The following P3H3 variants were observed in gnomAD, a reference collection of about 807,000 sequenced individuals.
The protein encoded by P3H3 is gene rich cluster, B.
In P3H3, 64 loss-of-function variants were observed where a neutral mutation model predicts 78.1. The observed-to-expected ratio is 0.82, with a 90% CI of 0.67 to 1.01. The LOEUF is 1.01. P3H3 is among the 50% of genes least tolerant of loss of function. The pLI is 0.00. For missense variants in P3H3, 975 were observed against 982.2 expected (o/e 0.99, Z 0.10); for synonymous variants, 425 against 416.7 (o/e 1.02, Z -0.24).
intron 7 of P3H3, 36 bp downstream of exon 7, chr12:6,833,680 G>A (rs781809845): frequency 2.9e-5 from 47 of 1,608,584 alleles, no homozygotes; most frequent in South Asian, 6.6e-5. Flanking sequence ...GGCTTGGCCC[G>A]AGCTGGGAGG....
Position 6,830,466 on chromosome 12 carries a change from T to C in P3H3, c.765T>C (p.Ala255=), listed in dbSNP as rs1555121179. 7 of 1,588,916 alleles carry C rather than the reference T, an allele frequency of 4.4e-6. No homozygotes were observed. Among genetic ancestry groups the C allele is most frequent in the Non-Finnish European group, 6.0e-6 (7 of 1,168,696 alleles). ...TGGCCCAGATGGAGAGCTGCCGTGC[T>C]GACTGTGAGGGGCCTGAGGAGCAGC... The part of the protein sequence containing the change: ...GSLAQMESCR[A]DCEGPEEQQG... The change falls in exon 3 of 15, where the codon GCT becomes GCC. Residue 255 remains alanine (A), a synonymous_variant. Coordinates refer to ENST00000290510, the MANE Select transcript of P3H3 (RefSeq NM_014262.5).
Position 6,837,778 on chromosome 12 carries a change from C to T in P3H3, c.1758C>T (p.Asp586=), listed in dbSNP as rs1555122411. Residue 586 remains aspartate, a synonymous_variant, in exon 12 of 15, where the codon GAC becomes GAT. Coordinates refer to ENST00000290510, the MANE Select transcript of P3H3 (RefSeq NM_014262.5). ...ACCTGAGTCACCCAGTGCACGCAGA[C>T]AACTGCGTCCTGGACCCTGACACGG... is the stretch of plus-strand genomic sequence containing the variant. ...RMDLSHPVHA[D]NCVLDPDTGE... 3 of 1,613,476 alleles carry T rather than the reference C, an allele frequency of 1.9e-6. No individual in the cohort carries two copies. The highest frequency in any genetic ancestry group is 2.5e-6 in the Non-Finnish European group (3 of 1,179,698).
rs782669046 is a variant in P3H3, at chr12:6,839,294, C to G, written c.2047-3C>G. ...TGGGCCACACTCTCCTCCCCAACCC[C>G]AGGAGTGGATAGAAGCCAAAGAACT... On this transcript the variant is annotated splice_polypyrimidine_tract_variant and splice_region_variant and intron_variant, in intron 14 of 14. Coordinates refer to ENST00000290510, the MANE Select transcript of P3H3 (RefSeq NM_014262.5). 6.4e-7 allele frequency: 1 copy of G among 1,553,384 alleles called. No homozygotes were observed. The highest frequency in any genetic ancestry group is 2.0e-5 in the Admixed American group (1 of 51,038).
At position 6,831,116 on chromosome 12, in the gene P3H3, G is replaced by T; in HGVS notation, c.986-100G>T. On this transcript the variant is annotated intron_variant, in intron 4 of 14. Transcript: ENST00000290510. This position sits in a 1 kb window ranked among gnomAD's most constrained non-coding sequence, Gnocchi z 4.6. ...GGGGGCTCTTGGAGTTAGCTGTCTG[G>T]CCTCTGGAGACCACCTTCTCCAGCA... 3 of 1,471,868 alleles carry T rather than the reference G, an allele frequency of 2.0e-6. No individual in the cohort carries two copies. Among genetic ancestry groups the T allele is most frequent in the Non-Finnish European group, 2.9e-6 (3 of 1,052,136 alleles). 91.2% of individuals were successfully genotyped at this position (1,471,868 alleles called of 1,614,324 possible). A position where few individuals can be genotyped will look rare whatever the true frequency, so the allele number is the denominator to read the frequency against.
At chr12:6,837,196 C>G (rs10849527) in intron 10 of P3H3, 110 bp downstream of exon 10, 1 of 1,039,542 alleles carries the variant, frequency 9.6e-7, no homozygotes, top group Non-Finnish European at 1.4e-6. Context: ...TTCTTGGGAC[C>G]GAGACTACCT....
At chr12:6,833,161 TGA>T (rs1198420083) in intron 6 of P3H3, among the ~76,000 whole-genome samples, 1 of 148,652 alleles carries the variant, frequency 6.7e-6, no homozygotes, top group Non-Finnish European at 1.5e-5. Context: ...GGCGACAGTG[TGA>T]GACTCCGTCT....
chr12:6,828,473 G>A lies in P3H3; in HGVS notation c.33G>A (p.Leu11=), dbSNP rs1555120760. The A allele has an allele frequency of 4.9e-6, 6 of 1,233,634 alleles. No homozygotes were observed. The highest frequency in any genetic ancestry group is 1.5e-5 in the South Asian group (1 of 66,704). 76.4% of individuals were successfully genotyped at this position (1,233,634 alleles called of 1,614,324 possible). The change falls in exon 1 of 15, where the codon CTG becomes CTA. Residue 11 remains leucine, a synonymous_variant. Coordinates refer to ENST00000290510, the MANE Select transcript of P3H3 (RefSeq NM_014262.5). MLRLLRPLLL[L]LLLPPPGSPE... The stretch of plus-strand genomic sequence containing the variant: ...GGCTCCTCCGGCCGCTGCTGCTACT[G>A]CTGCTGCTGCCTCCCCCGGGGTCCC...
chr12:6,836,544 GA>G (rs1943499200), intron 9 of P3H3, among the ~76,000 whole-genome samples: 1 of 152,176 alleles, frequency 6.6e-6, no homozygotes, highest in Non-Finnish European at 1.5e-5. Context: ...ATAGCCCGCT[GA>G]TGCTGTCTCC....
chr12:6,837,886 A>C, intron 12 of P3H3, 37 bp downstream of exon 12: 1 of 1,595,644 alleles, frequency 6.3e-7, no homozygotes, highest in Non-Finnish European at 8.5e-7. Flanking sequence ...AGGTGGGCAG[A>C]CAAAGGTCAT....
intron 14 of P3H3, 28 bp downstream of exon 14, chr12:6,839,168 G>T (rs1555122695): frequency 5.1e-6 from 8 of 1,583,414 alleles, no homozygotes; most frequent in Non-Finnish European, 6.9e-6. Context: ...AAGGGATGTG[G>T]TTCTCCTGGT....
chr12:6,829,592 G>A lies in P3H3; in HGVS notation c.499-267G>A. On this transcript the variant is annotated intron_variant, in intron 1 of 14. Coordinates refer to ENST00000290510, the MANE Select transcript of P3H3 (RefSeq NM_014262.5). The surrounding 1 kb of genome is among the most constrained non-coding windows in gnomAD (Gnocchi z 5.1). ...ACTTCCACCTGGTCTCCCAAATTGAGGTCCTGAAGTCCTGAGACCCATGTC... is the reference window on the plus strand; with the variant it reads ...ACTTCCACCTGGTCTCCCAAATTGAAGTCCTGAAGTCCTGAGACCCATGTC... The A allele has an allele frequency of 6.3e-6, 3 of 475,256 alleles. No homozygotes were observed. The highest frequency in any genetic ancestry group is 1.1e-5 in the Non-Finnish European group (3 of 264,114). The allele number at this position is 475,256 out of a possible 1,614,324, so 29.4% of individuals were successfully genotyped here.
rs782309276 is a variant in P3H3 at position 6,831,913 on chromosome 12, C to T, written c.1211C>T (p.Pro404Leu). The change falls in exon 6 of 15, where the codon CCT becomes CTT. Residue 404 changes from proline to leucine, a missense_variant and splice_region_variant. By Grantham distance (98) the Pro-to-Leu change is moderately conservative. Coordinates refer to ENST00000290510, the MANE Select transcript of P3H3 (RefSeq NM_014262.5). This position sits in a 1 kb window ranked among gnomAD's most constrained non-coding sequence, Gnocchi z 4.6. ...CACCTGGGGACCAGCTTCAAGGATC[C>T]TGTGAGTCACTCCACTTCTGCCCAT... ...MEHLGTSFKDPDPWTPAALIP... is the reference protein window; with the variant it reads ...MEHLGTSFKDLDPWTPAALIP... 6.4e-7 allele frequency: 1 copy of T among 1,571,270 alleles called. No individual in the cohort carries two copies. The highest frequency in any genetic ancestry group is 2.3e-5 in the East Asian group (1 of 44,342).
At position 6,830,424 on chromosome 12, in the gene P3H3, G is replaced by T. The variant is rs377726841; in HGVS notation, c.723G>T (p.Glu241Asp). 2 of 1,587,122 alleles carry T rather than the reference G, an allele frequency of 1.3e-6. No individual in the cohort carries two copies. The highest frequency in any genetic ancestry group is 2.7e-5 in the African/African-American group (2 of 74,380). Residue 241 changes from glutamate (E) to aspartate (D), a missense_variant, in exon 3 of 15, where the codon GAG becomes GAT. By Grantham distance (45) the Glu-to-Asp change is conservative (BLOSUM62 2). Coordinates refer to ENST00000290510, the MANE Select transcript of P3H3 (RefSeq NM_014262.5). ...GACTGGCACTGCCCAGGCTAGAGGA[G>T]GCTCTTCAGGGGAGCCTGGCCCAGA... ...EAGLALPRLE[E>D]ALQGSLAQME...
chr12:6,830,245 A>G (rs1463593808), intron 2 of P3H3, 108 bp from the exon 3 acceptor site: 1 of 1,124,114 alleles, frequency 8.9e-7, no homozygotes, highest in African/African-American at 1.6e-5. Context: ...CACGGTGAAG[A>G]GGGACATGGA....
At position 6,831,699 on chromosome 12, in the gene P3H3, T is replaced by A; in HGVS notation, c.1123-126T>A. On this transcript the variant is annotated intron_variant, in intron 5 of 14. Coordinates refer to ENST00000290510, the MANE Select transcript of P3H3 (RefSeq NM_014262.5). The surrounding 1 kb of genome is among the most constrained non-coding windows in gnomAD (Gnocchi z 4.6). ...CTCTGAAGCTGCTGAGGGGGAACGT[T>A]GAACAGAGGAACCGGGGGGCATGGT... 1.4e-6 allele frequency: 1 copy of A among 723,894 alleles called. No individual in the cohort carries two copies. The highest frequency in any genetic ancestry group is 1.5e-5 in the South Asian group (1 of 66,110). 44.8% of individuals were successfully genotyped at this position (723,894 alleles called of 1,614,324 possible). A position where few individuals can be genotyped will look rare whatever the true frequency, so the allele number is the denominator to read the frequency against.
chr12:6,828,713 CG>C lies in P3H3; in HGVS notation c.274del (p.Val92CysfsTer34). 1 of 1,247,112 alleles carries C rather than the reference CG, an allele frequency of 8.0e-7. No individual in the cohort carries two copies. Among genetic ancestry groups the C allele is most frequent in the Non-Finnish European group, 1.0e-6 (1 of 996,500 alleles). The allele number at this position is 1,247,112 out of a possible 1,614,324, so 77.3% of individuals were successfully genotyped here. A position where few individuals can be genotyped will look rare whatever the true frequency, so the allele number is the denominator to read the frequency against. Reference sequence around the variant, plus strand: ...CCGATCCGGGCGCCGCGCTCCCCGCCGTGCTTCTCGGGGCCCCGGAGCCCGA... The same window carrying C: ...CCGATCCGGGCGCCGCGCTCCCCGCCTGCTTCTCGGGGCCCCGGAGCCCGA... Reference protein sequence around the residue: ...AADPGAALPAVLLGAPEPDSG... With the variant: ...AADPGAALPAXLLGAPEPDSG... On this transcript the variant is annotated frameshift_variant, in exon 1 of 15. Transcript: ENST00000290510. LOFTEE classifies it high-confidence loss of function.
Position 6,829,728 on chromosome 12 carries a change from T to G in P3H3, c.499-131T>G. On this transcript the variant is annotated intron_variant, in intron 1 of 14. Transcript: ENST00000290510. The surrounding 1 kb of genome is among the most constrained non-coding windows in gnomAD (Gnocchi z 5.1). ...CAGTTCGGGCGGTGGGCGGTTCTGA[T>G]TGGCCAGTCTTCCATGAGGCTCTGG... The G allele has an allele frequency of 1.1e-6, 1 of 922,640 alleles. No homozygotes were observed. Among genetic ancestry groups the G allele is most frequent in the Non-Finnish European group, 1.7e-6 (1 of 589,058 alleles). The allele number at this position is 922,640 out of a possible 1,614,324, so 57.2% of individuals were successfully genotyped here. A position where few individuals can be genotyped will look rare whatever the true frequency, so the allele number is the denominator to read the frequency against.
At chr12:6,835,353 C>A (rs1364598736) in intron 9 of P3H3, among the ~76,000 whole-genome samples, 1 of 152,070 alleles carries the variant, frequency 6.6e-6, no homozygotes, top group Admixed American at 6.6e-5. Context: ...GAGGTCAAGG[C>A]AGGTGGATCA....
intron 6 of P3H3, 153 bp from the exon 7 acceptor site, chr12:6,833,439 T>G: frequency 1.5e-6 from 1 of 685,696 alleles, no homozygotes. Context: ...TTTGATCCAC[T>G]GCCCAGGGCT....
Sources: gnomAD v4.1 joint callset for allele counts (sites outside exome capture counted in the v4.1 genomes callset) on GRCh38, gnomAD v4.1.1 for gene constraint, Gnocchi (gnomAD v3.1) non-coding constraint, MANE v1.5 for transcripts, NCBI Gene and HGNC (gene_info 2026-07-23, HGNC 2026-07-21) for gene names.